Variants in MME observed in about 807,000 individuals in gnomAD.
The protein encoded by MME is membrane metalloendopeptidase, also known as neprilysin.
A neutral mutation model predicts 113.2 loss-of-function variants in MME; 98 were observed. The ratio of observed to expected loss-of-function variants is 0.87; its 90% CI spans 0.74 to 1.02. The LOEUF (loss-of-function observed/expected upper bound fraction) is 1.02, where lower values mean the gene tolerates loss of function less well. Ranked by LOEUF, MME falls within the 50% of genes least tolerant of loss-of-function variation. MME has a pLI of 0.00. For synonymous variants in MME, 292 were observed against 300.6 expected (o/e 0.97, Z 0.30); for missense variants, 836 against 896.0 (o/e 0.93, Z 0.86).
upstream of MME, among the ~76,000 whole-genome samples, chr3:155,079,273 G>A (rs1441291019): frequency 2.0e-5 from 3 of 152,034 alleles, no homozygotes; most frequent in Admixed American, 2.0e-4. Flanking sequence ...ATTCAGGGAG[G>A]AAAGGGAGCG....
At chr3:155,107,493 T>C (rs966207298) in intron 3 of MME, among the ~76,000 whole-genome samples, 2 of 152,164 alleles carry the variant, frequency 1.3e-5, no homozygotes, top group African/African-American at 4.8e-5. Flanking sequence ...GTTTTTAAAA[T>C]AGAGTAGTAA....
intron 3 of MME, among the ~76,000 whole-genome samples, chr3:155,105,858 C>T (rs1002358211): frequency 2.0e-5 from 3 of 152,148 alleles, no homozygotes; most frequent in African/African-American, 7.2e-5. Context: ...ATTATTATTA[C>T]ATTTAAGCGT....
chr3:155,075,571 C>G (rs1714718362), upstream of MME, among the ~76,000 whole-genome samples: 1 of 152,102 alleles, frequency 6.6e-6, no homozygotes, highest in South Asian at 2.1e-4. Flanking sequence ...CTTATGCACT[C>G]TATTTTTATC....
At chr3:155,100,335 A>G (rs1046034834) in intron 3 of MME, among the ~76,000 whole-genome samples, 1 of 152,124 alleles carries the variant, frequency 6.6e-6, no homozygotes, top group East Asian at 1.9e-4. Context: ...AGAAATGCAA[A>G]TCAAAACCAC....
chr3:155,070,880 A>G lies in MME; in HGVS notation c.-10-13278A>G, dbSNP rs879433278. ...AAGGTTAATCATGCCAAAATTGAGC[A>G]GATGTCCCCCTGAGAAAAATCTGGG... On this transcript the variant is annotated intron_variant, in intron 1 of 22. Transcript: ENST00000492661. 5.3e-5 allele frequency among the ~76,000 whole-genome samples: 8 copies of G among 152,222 alleles called. 1 individual carries two copies. The highest frequency in any genetic ancestry group is 8.8e-5 in the Non-Finnish European group (6 of 68,036).
intron 1 of MME, among the ~76,000 whole-genome samples, chr3:155,044,324 G>A (rs1423765312): frequency 6.6e-6 from 1 of 150,928 alleles, no homozygotes; most frequent in East Asian, 2.0e-4. Context: ...GTACAGATGG[G>A]ATTTCAATAT....
intron 1 of MME, among the ~76,000 whole-genome samples, chr3:155,073,501 T>C (rs909492049): frequency 6.6e-6 from 1 of 152,174 alleles, no homozygotes; most frequent in Non-Finnish European, 1.5e-5. Flanking sequence ...TAGAATGTTT[T>C]AAACAATAGT....
intron 4 of MME, among the ~76,000 whole-genome samples, chr3:155,115,361 C>G (rs753418117): frequency 2.6e-5 from 4 of 152,214 alleles, no homozygotes; most frequent in African/African-American, 4.8e-5. Flanking sequence ...TTCCTGCTTT[C>G]ATTTGTAGGT....
At chr3:155,169,679 G>A (rs1361922844) in intron 20 of MME, among the ~76,000 whole-genome samples, 1 of 152,188 alleles carries the variant, frequency 6.6e-6, no homozygotes, top group Non-Finnish European at 1.5e-5. Flanking sequence ...TACTTGAGAT[G>A]TCACAAGGAA....
chr3:155,030,125 C>G (rs908489439), intron 1 of MME, among the ~76,000 whole-genome samples: 1 of 151,794 alleles, frequency 6.6e-6, no homozygotes, highest in Admixed American at 6.6e-5. Context: ...ATTATTTGTT[C>G]AGACAAAAAA....
chr3:155,063,668 ATATATTATAT>A (rs59175839), intron 1 of MME, among the ~76,000 whole-genome samples: 1,522 of 111,366 alleles, frequency 0.014, 21 homozygotes, highest in African/African-American at 0.036. Flanking sequence ...ATAACATATT[ATATATTATAT>A]TATATTATAT....
intron 16 of MME, among the ~76,000 whole-genome samples, chr3:155,149,453 T>C (rs1721759433): frequency 6.6e-6 from 1 of 152,094 alleles, no homozygotes; most frequent in African/African-American, 2.4e-5. Flanking sequence ...CTAACTTGAT[T>C]TGTGTGGTAA....
Position 155,115,000 on chromosome 3 carries a change from G to T in MME, c.203G>T (p.Arg68Leu). 6.2e-7 allele frequency: 1 copy of T among 1,613,898 alleles called. No individual in the cohort carries two copies. Among genetic ancestry groups the T allele is most frequent in the South Asian group, 1.1e-5 (1 of 91,040 alleles). Residue 68 changes from arginine to leucine, a missense_variant, in exon 4 of 23, where the codon CGA (arginine) becomes CTA (leucine). Coordinates refer to ENST00000360490, the MANE Select transcript of MME (RefSeq NM_007289.4). ...KSSDCIKSAARLIQNMDATTE... is the reference protein window; with the variant it reads ...KSSDCIKSAALLIQNMDATTE... ...GTTTTCTCTGCTCTTGCAGCTGCTC[G>T]ACTGATCCAAAACATGGATGCCACC...
chr3:155,133,906 A>G, intron 8 of MME, among the ~76,000 whole-genome samples: 1 of 150,498 alleles, frequency 6.6e-6, no homozygotes, highest in Admixed American at 6.6e-5. Flanking sequence ...ATACCCTGCT[A>G]AAGGTCGATT....
Position 155,182,355 on chromosome 3 carries a change from A to C in MME, c.*1896A>C, listed in dbSNP as rs866269575. 1 of 152,186 alleles carries C rather than the reference A, an allele frequency of 6.6e-6. No homozygotes were observed. 9.4% of individuals were successfully genotyped at this position (152,186 alleles called of 1,614,324 possible). A position where few individuals can be genotyped will look rare whatever the true frequency, so the allele number is the denominator to read the frequency against. On this transcript the variant is annotated 3_prime_UTR_variant, in exon 23 of 23. Coordinates refer to ENST00000360490, the MANE Select transcript of MME (RefSeq NM_007289.4). Reference sequence around the variant, plus strand: ...AACTTTCCATTTTGGCGCTATTACAAATAGTGCAACTATGAATGTACTGCA... The same window carrying C: ...AACTTTCCATTTTGGCGCTATTACACATAGTGCAACTATGAATGTACTGCA...
chr3:155,127,650 C>A (rs778557539), intron 8 of MME, among the ~76,000 whole-genome samples: 10 of 152,192 alleles, frequency 6.6e-5, no homozygotes, highest in Non-Finnish European at 1.2e-4. Context: ...CAGTTTACAT[C>A]CACTGATCTA....
In MME at chr3:155,084,334, T is replaced by C. The variant is rs1715464512; in HGVS notation, c.160+7T>C. On this transcript the variant is annotated splice_region_variant and intron_variant, in intron 2 of 22. Coordinates refer to ENST00000360490, the MANE Select transcript of MME (RefSeq NM_007289.4). ...CTCTATGCAACCTACGATGGTGAGTTACTCCCACACCTGTGCATCCATAAG... is the reference window on the plus strand; with the variant it reads ...CTCTATGCAACCTACGATGGTGAGTCACTCCCACACCTGTGCATCCATAAG... 1 of 1,614,020 alleles carries C rather than the reference T, an allele frequency of 6.2e-7. No individual in the cohort carries two copies. Among genetic ancestry groups the C allele is most frequent in the Non-Finnish European group, 8.5e-7 (1 of 1,179,894 alleles).
chr3:155,099,157 G>T (rs1445330487), intron 3 of MME, among the ~76,000 whole-genome samples: 1 of 152,126 alleles, frequency 6.6e-6, no homozygotes, highest in African/African-American at 2.4e-5. Flanking sequence ...TTCAGTACAC[G>T]TGTTGTCATA....
At chr3:155,063,186 A>C (rs2108137420) in intron 1 of MME, among the ~76,000 whole-genome samples, 2 of 125,692 alleles carry the variant, frequency 1.6e-5, no homozygotes, top group South Asian at 4.5e-4. Flanking sequence ...ATACTTTGTA[A>C]TATATATTAT....
Sources: allele counts gnomAD v4.1 joint callset (sites outside exome capture counted in the v4.1 genomes callset), GRCh38; gene constraint gnomAD v4.1.1; transcripts MANE v1.5; gene names NCBI Gene and HGNC (gene_info 2026-07-23, HGNC 2026-07-21).